MED1: variants seen among roughly 807,000 people sequenced by gnomAD.
MED1 encodes the protein mediator of RNA polymerase II transcription subunit 1.
MED1 carries 17 observed loss-of-function variants against 121.3 expected under a neutral mutation model. The ratio of observed to expected loss-of-function variants is 0.14; its 90% CI spans 0.10 to 0.21. The LOEUF is 0.21. MED1 is among the 10% of genes least tolerant of loss of function. MED1 has a pLI of 1.00. For missense variants in MED1, 1,558 were observed against 1,919.4 expected (o/e 0.81, Z 3.52); for synonymous variants, 661 against 694.4 (o/e 0.95, Z 0.76).
At chr17:39,414,318 A>G (rs2048385378) in intron 16 of MED1, among the ~76,000 whole-genome samples, 1 of 151,104 alleles carries the variant, frequency 6.6e-6, no homozygotes, top group South Asian at 2.1e-4. Context: ...TTTGAAATTC[A>G]TGCTAATTCT....
intron 6 of MED1, 152 bp from the exon 7 acceptor site, chr17:39,434,472 A>G: frequency 2.1e-6 from 1 of 483,226 alleles, no homozygotes; most frequent in South Asian, 4.3e-5. Context: ...TCTAGCATCA[A>G]TGTAAAGCAG....
chr17:39,408,896 AAGC>A lies in MED1; in HGVS notation c.3322_3324del (p.Ala1108del), dbSNP rs747832256. 6.2e-7 allele frequency: 1 copy of A among 1,614,102 alleles called. No homozygotes were observed. Among genetic ancestry groups the A allele is most frequent in the East Asian group, 2.2e-5 (1 of 44,876 alleles). On this transcript the variant is annotated inframe_deletion, in exon 17 of 17. Transcript: ENST00000300651. This position sits in a 1 kb window ranked among gnomAD's most constrained non-coding sequence, Gnocchi z 4.7. ...CTGCTTTTCATCTTCCCTGAGGTGG[AAGC>A]AGATGAGGAAGAGGAGGAAGAATGG...
At chr17:39,447,382 A>T (rs555097399) in intron 2 of MED1, among the ~76,000 whole-genome samples, 1 of 134,762 alleles carries the variant, frequency 7.4e-6, no homozygotes, top group Non-Finnish European at 1.6e-5. Context: ...CAAGAGTGAA[A>T]CTCCGTCTCA....
intron 14 of MED1, among the ~76,000 whole-genome samples, chr17:39,416,762 G>A (rs539940740): frequency 1.3e-5 from 2 of 152,278 alleles, no homozygotes; most frequent in East Asian, 3.9e-4. Flanking sequence ...GAGGTGGGAG[G>A]AATGCCTGAG....
Position 39,409,873 on chromosome 17 carries a change from A to T in MED1, c.2348T>A (p.Leu783His), listed in dbSNP as rs2048339693. ...AGAAGCTTCTTCTGCAATGTCTGAA[A>T]GGATGTCAGTTACATCTGGGCCAAT... ...DSIGPDVTDI[L>H]SDIAEEASKL... Residue 783 changes from leucine (L) to histidine (H), a missense_variant, in exon 17 of 17, where the codon CTT becomes CAT. Physicochemically the swap from Leu to His is moderately conservative, Grantham distance 99. Coordinates refer to ENST00000300651, the MANE Select transcript of MED1 (RefSeq NM_004774.4). The T allele has an allele frequency of 1.2e-6, 2 of 1,614,064 alleles. No homozygotes were observed. Among genetic ancestry groups the T allele is most frequent in the Non-Finnish European group, 1.7e-6 (2 of 1,180,038 alleles).
chr17:39,429,053 C>T (rs920941720), intron 9 of MED1, among the ~76,000 whole-genome samples: 2 of 151,862 alleles, frequency 1.3e-5, no homozygotes, highest in African/African-American at 4.8e-5. Context: ...GGTGAACTGG[C>T]TCACGCTTAT....
intron 3 of MED1, among the ~76,000 whole-genome samples, chr17:39,442,861 C>T (rs2048691720): frequency 7.2e-6 from 1 of 138,730 alleles, no homozygotes; most frequent in Non-Finnish European, 1.5e-5. Flanking sequence ...GCCGAGATTC[C>T]ACCACTGCAC....
At chr17:39,438,430 G>A (rs539633031) in intron 6 of MED1, among the ~76,000 whole-genome samples, 1 of 146,544 alleles carries the variant, frequency 6.8e-6, no homozygotes, top group African/African-American at 2.5e-5. Flanking sequence ...TGCAAGCTCC[G>A]CTCCCAGGTT....
chr17:39,444,367 C>T (rs547054175), intron 2 of MED1, among the ~76,000 whole-genome samples: 5 of 151,494 alleles, frequency 3.3e-5, no homozygotes, highest in Admixed American at 2.6e-4. Context: ...ATTATCTGGG[C>T]GTGGTGGTGC....
Position 39,410,380 on chromosome 17 carries a change from C to T in MED1, c.1841G>A (p.Gly614Glu). Residue 614 changes from glycine to glutamate, a missense_variant, in exon 17 of 17, where the codon GGG becomes GAG. By Grantham distance (98) the Gly-to-Glu change is moderately conservative. Coordinates refer to ENST00000300651, the MANE Select transcript of MED1 (RefSeq NM_004774.4). The stretch of plus-strand genomic sequence containing the variant: ...CGGACTCGAGCCAATGGTAGACCCC[C>T]CGTTCCCTGTGATTTGCAACAAACT... ...LTSLLQITGN[G>E]GSTIGSSPTP... The T allele has an allele frequency of 6.2e-7, 1 of 1,613,938 alleles. No individual in the cohort carries two copies. The highest frequency in any genetic ancestry group is 8.5e-7 in the Non-Finnish European group (1 of 1,179,982).
At chr17:39,415,195 T>C (rs543846578) in intron 15 of MED1, 49 bp downstream of exon 15, 36 of 1,609,354 alleles carry the variant, frequency 2.2e-5, no homozygotes, top group South Asian at 2.2e-4. Context: ...AAAAAAGACA[T>C]AGGGACCAAA....
chr17:39,438,949 A>G (rs1196022456), intron 6 of MED1, among the ~76,000 whole-genome samples: 1 of 152,174 alleles, frequency 6.6e-6, no homozygotes, highest in Non-Finnish European at 1.5e-5. Context: ...ACTCCATCTC[A>G]AAACAAAAAC....
At chr17:39,449,562 G>A (rs1292675194) in intron 1 of MED1, among the ~76,000 whole-genome samples, 1 of 147,656 alleles carries the variant, frequency 6.8e-6, no homozygotes, top group East Asian at 2.0e-4. Context: ...GCCCAGACTG[G>A]AGTCCAGTGG....
chr17:39,434,115 A>C (rs2048596021), intron 7 of MED1, 134 bp downstream of exon 7: 1 of 599,490 alleles, frequency 1.7e-6, no homozygotes, highest in South Asian at 2.1e-5. Context: ...TTGGAAGCTG[A>C]GCTACAGATT....
chr17:39,450,787 C>T (rs1167118732), intron 1 of MED1, among the ~76,000 whole-genome samples: 1 of 152,174 alleles, frequency 6.6e-6, no homozygotes, highest in African/African-American at 2.4e-5. Context: ...CCCCGTCTCC[C>T]ACCACTTTAG....
chr17:39,412,641 C>G (rs550262771), intron 16 of MED1, among the ~76,000 whole-genome samples: 1 of 150,382 alleles, frequency 6.6e-6, no homozygotes, highest in African/African-American at 2.4e-5. Flanking sequence ...CAGGTTCAAG[C>G]AATTCTCTGC....
Position 39,405,331 on chromosome 17 carries a change from G to A in MED1, c.*2144C>T. On this transcript the variant is annotated 3_prime_UTR_variant, in exon 17 of 17. Transcript: ENST00000300651. Reference sequence around the variant, plus strand: ...GATCTGGGATGAAGACAGAAAGAGAGAAAAGCTTCCCAGTTTACTCATTTT... The same window carrying A: ...GATCTGGGATGAAGACAGAAAGAGAAAAAAGCTTCCCAGTTTACTCATTTT... 1 of 1,597,944 alleles carries A rather than the reference G, an allele frequency of 6.3e-7. No individual in the cohort carries two copies. Among genetic ancestry groups the A allele is most frequent in the Non-Finnish European group, 8.5e-7 (1 of 1,172,506 alleles).
Position 39,418,525 on chromosome 17 carries a change from C to G in MED1, c.1297+1192G>C, listed in dbSNP as rs551699642. ...TTCAGTCTGGGCAACAGAGTGAGAC[C>G]CTGTCTCAAAAAAAAAAAAGCCTCT... On this transcript the variant is annotated intron_variant, in intron 14 of 16. Coordinates refer to ENST00000300651, the MANE Select transcript of MED1 (RefSeq NM_004774.4). 2.2e-4 allele frequency among the ~76,000 whole-genome samples: 33 copies of G among 151,354 alleles called. 1 individual carries two copies. The highest frequency in any genetic ancestry group is 4.6e-4 in the Non-Finnish European group (31 of 67,820).
chr17:39,431,262 C>G (rs1240290606), intron 8 of MED1, 74 bp from the exon 9 acceptor site: 5 of 1,198,484 alleles, frequency 4.2e-6, no homozygotes, highest in African/African-American at 1.6e-5. Context: ...ATATTGAGTT[C>G]ACCTCTCCGA....
Sources: allele counts gnomAD v4.1 joint callset (sites outside exome capture counted in the v4.1 genomes callset), GRCh38; gene constraint gnomAD v4.1.1; non-coding constraint Gnocchi (gnomAD v3.1); transcripts MANE v1.5; gene names NCBI Gene and HGNC (gene_info 2026-07-23, HGNC 2026-07-21).